Variants in LRRC4C observed in about 807,000 individuals in gnomAD.
LRRC4C encodes the protein leucine-rich repeat-containing protein 4C.
In LRRC4C, 5 loss-of-function variants were observed where a neutral mutation model predicts 33.6. The ratio of observed to expected loss-of-function variants is 0.15; its 90% confidence interval spans 0.08 to 0.31. The LOEUF (loss-of-function observed/expected upper bound fraction) is 0.31. Among genes scored for constraint, LRRC4C ranks in the 10% least tolerant of loss-of-function variants. The probability of loss-of-function intolerance (pLI) is 1.00; values close to 1 mark genes in which losing one functional copy is unlikely to be tolerated. For missense variants in LRRC4C, 560 were observed against 796.7 expected (o/e 0.70, Z 3.58); for synonymous variants, 329 against 302.0 (o/e 1.09, Z -0.93).
At chr11:40,885,348 A>G (rs1002059018) in intron 2 of LRRC4C, among the ~76,000 whole-genome samples, 2 of 152,078 alleles carry the variant, frequency 1.3e-5, no homozygotes, top group African/African-American at 4.8e-5. Flanking sequence ...AGCAAGATCT[A>G]AGTTGCAAGA....
At chr11:40,581,625 C>G (rs758936791) in intron 3 of LRRC4C, among the ~76,000 whole-genome samples, 2 of 152,056 alleles carry the variant, frequency 1.3e-5, no homozygotes, top group African/African-American at 2.4e-5. Flanking sequence ...AAGAATAGGC[C>G]GGGAGCGGTG....
At chr11:41,383,529 A>G (rs1192347550) in intron 1 of LRRC4C, among the ~76,000 whole-genome samples, 1 of 152,046 alleles carries the variant, frequency 6.6e-6, no homozygotes, top group Non-Finnish European at 1.5e-5. Flanking sequence ...TATGTGTACA[A>G]TTGGAAATTT....
At chr11:40,660,303 A>G (rs1943367940) in intron 2 of LRRC4C, among the ~76,000 whole-genome samples, 1 of 152,162 alleles carries the variant, frequency 6.6e-6, no homozygotes, top group South Asian at 2.1e-4. Flanking sequence ...CAGGCATGGG[A>G]TCTAGGCCAG....
intron 1 of LRRC4C, among the ~76,000 whole-genome samples, chr11:41,083,431 A>T (rs1425899553): frequency 6.6e-6 from 1 of 152,142 alleles, no homozygotes; most frequent in African/African-American, 2.4e-5. Context: ...GAACAGAAAC[A>T]TTACACCGAC....
chr11:40,442,686 T>C (rs1951450834), intron 3 of LRRC4C, among the ~76,000 whole-genome samples: 1 of 152,196 alleles, frequency 6.6e-6, no homozygotes, highest in African/African-American at 2.4e-5. Context: ...AAGGTAACTA[T>C]GGAGATCATA....
At chr11:41,284,216 A>G (rs895778167) in intron 1 of LRRC4C, among the ~76,000 whole-genome samples, 1 of 152,212 alleles carries the variant, frequency 6.6e-6, no homozygotes, top group Non-Finnish European at 1.5e-5. Context: ...TTACTGAATT[A>G]CCTATATATT....
chr11:40,523,144 T>C (rs920702227), intron 3 of LRRC4C, among the ~76,000 whole-genome samples: 1 of 152,182 alleles, frequency 6.6e-6, no homozygotes, highest in Non-Finnish European at 1.5e-5. Flanking sequence ...AGATAAACTA[T>C]TTTGAATTCT....
intron 1 of LRRC4C, among the ~76,000 whole-genome samples, chr11:41,414,489 C>T (rs1343534758): frequency 6.6e-6 from 1 of 152,078 alleles, no homozygotes; most frequent in African/African-American, 2.4e-5. Context: ...CAGTCTCTTC[C>T]TCCCACCCTT....
At chr11:41,408,987 G>A (rs1303576403) in intron 1 of LRRC4C, among the ~76,000 whole-genome samples, 1 of 152,178 alleles carries the variant, frequency 6.6e-6, no homozygotes, top group Non-Finnish European at 1.5e-5. Flanking sequence ...ACAGCAGGGC[G>A]AATGCCTCTT....
intron 3 of LRRC4C, among the ~76,000 whole-genome samples, chr11:40,588,401 A>G (rs1458485963): frequency 1.3e-5 from 2 of 151,556 alleles, no homozygotes; most frequent in Non-Finnish European, 2.9e-5. Context: ...CAGTCTATCT[A>G]TTTTGTTGAT....
At chr11:40,248,867 A>G (rs1418827750) in intron 4 of LRRC4C, among the ~76,000 whole-genome samples, 2 of 152,196 alleles carry the variant, frequency 1.3e-5, no homozygotes, top group Non-Finnish European at 2.9e-5. Context: ...AATAAAAAAT[A>G]TGTATTTAGA....
chr11:40,746,431 C>T (rs998384375), intron 2 of LRRC4C, among the ~76,000 whole-genome samples: 16 of 152,134 alleles, frequency 1.1e-4, no homozygotes, highest in African/African-American at 3.9e-4. Context: ...GGCTGAGGCT[C>T]GAGCACAGGG....
intron 3 of LRRC4C, among the ~76,000 whole-genome samples, chr11:40,395,329 G>GT (rs1226705509): frequency 6.6e-6 from 1 of 152,026 alleles, no homozygotes; most frequent in East Asian, 1.9e-4. Flanking sequence ...CCTGTGAAGC[G>GT]TAACTCTGCT....
At chr11:40,800,883 T>C (rs930551406) in intron 2 of LRRC4C, among the ~76,000 whole-genome samples, 11 of 152,200 alleles carry the variant, frequency 7.2e-5, no homozygotes, top group Non-Finnish European at 1.5e-4. Flanking sequence ...CCAACCTATA[T>C]GAACAGCCTC....
At chr11:40,850,723 AC>A (rs1216192041) in intron 2 of LRRC4C, among the ~76,000 whole-genome samples, 3 of 152,152 alleles carry the variant, frequency 2.0e-5, no homozygotes, top group African/African-American at 7.2e-5. Context: ...CTGAAGTTGT[AC>A]CCACAGCCGC....
intron 3 of LRRC4C, among the ~76,000 whole-genome samples, chr11:40,363,398 G>A (rs964039944): frequency 1.3e-5 from 2 of 152,056 alleles, no homozygotes; most frequent in Admixed American, 6.6e-5. Flanking sequence ...CACACACTGG[G>A]GCCTATTGGA....
intron 1 of LRRC4C, among the ~76,000 whole-genome samples, chr11:41,418,760 C>T (rs1545372): frequency 0.44 from 66,068 of 151,682 alleles, 15,067 homozygotes; most frequent in East Asian, 0.58. Context: ...TCAGTTTGCT[C>T]ATATGTTAAA....
At chr11:40,794,123 C>T (rs114690822) in intron 2 of LRRC4C, among the ~76,000 whole-genome samples, 1,813 of 152,078 alleles carry the variant, frequency 0.012, 34 homozygotes, top group African/African-American at 0.037. Flanking sequence ...GAATTAATGA[C>T]CAACAGAATC....
chr11:41,114,183 C>A (rs961304412), intron 1 of LRRC4C, among the ~76,000 whole-genome samples: 1 of 151,998 alleles, frequency 6.6e-6, no homozygotes. Flanking sequence ...ATTGTGACAG[C>A]ACTGGAATAC....
Sources: gnomAD v4.1 joint callset for allele counts (sites outside exome capture counted in the v4.1 genomes callset) on GRCh38, gnomAD v4.1.1 for gene constraint, MANE v1.5 for transcripts, NCBI Gene and HGNC (gene_info 2026-07-23, HGNC 2026-07-21) for gene names.